The following ADCY9 variants were observed in gnomAD, a reference collection of about 807,000 sequenced individuals.
The protein encoded by ADCY9 is adenylate cyclase 9.
Under a neutral mutation model 101.5 loss-of-function variants are expected in ADCY9, and 50 were observed. That is an observed-to-expected ratio of 0.49 (90% CI 0.39 to 0.62). The LOEUF (loss-of-function observed/expected upper bound fraction) is 0.62. Among genes scored for constraint, ADCY9 ranks in the 20% least tolerant of loss-of-function variants. ADCY9 has a pLI of 0.00. For missense variants in ADCY9, 1,662 were observed against 1,800.4 expected (o/e 0.92, Z 1.39); for synonymous variants, 905 against 769.3 (o/e 1.18, Z -2.92).
intron 7 of ADCY9, chr16:3,982,261 T>A (rs2056150129): frequency 6.6e-6 from 1 of 152,502 alleles, no homozygotes; most frequent in Non-Finnish European, 1.5e-5. Flanking sequence ...GAAGCCAGCA[T>A]TCCGGCGCCT....
intron 5 of ADCY9, among the ~76,000 whole-genome samples, chr16:3,956,649 C>T (rs1000530921): frequency 1.5e-5 from 2 of 136,106 alleles, no homozygotes; most frequent in African/African-American, 5.0e-5. Flanking sequence ...TGCCACCACA[C>T]CTGGCTAATT....
At chr16:4,110,408 G>A (rs1378197523) in intron 2 of ADCY9, among the ~76,000 whole-genome samples, 2 of 114,074 alleles carry the variant, frequency 1.8e-5, no homozygotes, top group African/African-American at 3.4e-5. Flanking sequence ...TTTTTGAGAC[G>A]CAGTCTCGCC....
chr16:4,016,398 A>C (rs1238595162), intron 2 of ADCY9, among the ~76,000 whole-genome samples: 1 of 152,198 alleles, frequency 6.6e-6, no homozygotes, highest in African/African-American at 2.4e-5. Context: ...AAATGACAGC[A>C]CCAAATGCAC....
In ADCY9 at chr16:3,994,366, T is replaced by C. The variant is rs192091248; in HGVS notation, c.1885-856A>G. 1.7e-4 allele frequency among the ~76,000 whole-genome samples: 26 copies of C among 152,330 alleles called. No homozygotes were observed. The East Asian group carries it at 4.2e-3, about 25-fold the overall frequency. ...TCAACAGGGTTTCTCTTTGGGATGATAAAAATGTTCTGAAATTGATCACGG... is the reference window on the plus strand; with the variant it reads ...TCAACAGGGTTTCTCTTTGGGATGACAAAAATGTTCTGAAATTGATCACGG... On this transcript the variant is annotated intron_variant, in intron 3 of 10. Transcript: ENST00000294016.
intron 2 of ADCY9, among the ~76,000 whole-genome samples, chr16:4,082,100 G>A (rs1299380921): frequency 6.6e-6 from 1 of 152,100 alleles, no homozygotes; most frequent in African/African-American, 2.4e-5. Context: ...CATGAAGGTT[G>A]GGCAGTGGCT....
chr16:4,045,035 G>A (rs1038962364), intron 2 of ADCY9, among the ~76,000 whole-genome samples: 1 of 152,168 alleles, frequency 6.6e-6, no homozygotes, highest in Non-Finnish European at 1.5e-5. Flanking sequence ...GTATAAATTC[G>A]TATCATCTGA....
intron 2 of ADCY9, among the ~76,000 whole-genome samples, chr16:4,072,473 C>T (rs1366257458): frequency 6.6e-6 from 1 of 152,176 alleles, no homozygotes; most frequent in African/African-American, 2.4e-5. Context: ...CCCTTCCCTA[C>T]GGTATACAAG....
At chr16:4,023,094 G>T (rs908688513) in intron 2 of ADCY9, among the ~76,000 whole-genome samples, 3 of 152,236 alleles carry the variant, frequency 2.0e-5, no homozygotes, top group Non-Finnish European at 4.4e-5. Flanking sequence ...AGTACTGAAA[G>T]TGCTGTCATT....
rs890045896 is a variant in ADCY9, at chr16:4,023,991, G to A, written c.1694-16433C>T. On this transcript the variant is annotated intron_variant, in intron 2 of 10. Coordinates refer to ENST00000294016, the MANE Select transcript of ADCY9 (RefSeq NM_001116.4). ...TTTTAAGTAAGACAGCACACAGTTCGATTCTTTCTTATTTTGCATTTTAAT... is the reference window on the plus strand; with the variant it reads ...TTTTAAGTAAGACAGCACACAGTTCAATTCTTTCTTATTTTGCATTTTAAT... Among the ~76,000 whole-genome samples, 4 of 152,120 alleles carry A rather than the reference G, an allele frequency of 2.6e-5. No homozygotes were observed. In the East Asian group the frequency reaches 7.7e-4, roughly 29 times the overall value.
At chr16:4,009,567 C>T (rs1044666526) in intron 2 of ADCY9, among the ~76,000 whole-genome samples, 59 of 152,294 alleles carry the variant, frequency 3.9e-4, no homozygotes, top group African/African-American at 1.4e-3. Context: ...CAATGAAAAT[C>T]TTTCACTCTT....
chr16:4,109,143 T>C (rs932656369), intron 2 of ADCY9, among the ~76,000 whole-genome samples: 1 of 152,186 alleles, frequency 6.6e-6, no homozygotes, highest in East Asian at 1.9e-4. Context: ...CTGCTTTATG[T>C]TTGTTCACAA....
At chr16:4,098,885 C>A (rs2057025348) in intron 2 of ADCY9, among the ~76,000 whole-genome samples, 1 of 146,700 alleles carries the variant, frequency 6.8e-6, no homozygotes, top group Non-Finnish European at 1.5e-5. Flanking sequence ...AGGTCATCTA[C>A]ATTTTGGTTT....
chr16:4,115,135 G>A lies in ADCY9; in HGVS notation c.308C>T (p.Ala103Val). ...CTGCGGGAAGCAGCGCTCCAGGCAG[G>A]CCTCCTCCAGGTTCACCGAGTCGAA... ...PKFDSVNLEE[A>V]CLERCFPQTQ... Residue 103 changes from alanine (A) to valine (V), a missense_variant, in exon 2 of 11, where the codon GCC (alanine) becomes GTC (valine). Physicochemically the swap from Ala to Val is moderately conservative, Grantham distance 64. Coordinates refer to ENST00000294016, the MANE Select transcript of ADCY9 (RefSeq NM_001116.4). This position sits in a 1 kb window ranked among gnomAD's most constrained non-coding sequence, Gnocchi z 6.2. 1 of 1,613,810 alleles carries A rather than the reference G, an allele frequency of 6.2e-7. No homozygotes were observed. The highest frequency in any genetic ancestry group is 8.5e-7 in the Non-Finnish European group (1 of 1,180,022).
chr16:4,112,267 G>A (rs1446680947), intron 2 of ADCY9, among the ~76,000 whole-genome samples: 1 of 152,234 alleles, frequency 6.6e-6, no homozygotes, highest in Non-Finnish European at 1.5e-5. Context: ...AACAGAAAGT[G>A]TAGTTTCTGA....
At position 3,989,776 on chromosome 16, in the gene ADCY9, T is replaced by G. The variant is rs570502614; in HGVS notation, c.2208-680A>C. On this transcript the variant is annotated intron_variant, in intron 5 of 10. Coordinates refer to ENST00000294016, the MANE Select transcript of ADCY9 (RefSeq NM_001116.4). Reference sequence around the variant, plus strand: ...TTTGTGAAGAACACGCAGATCACTGTGCTGAGAGTACTTACATGGATTTGG... The same window carrying G: ...TTTGTGAAGAACACGCAGATCACTGGGCTGAGAGTACTTACATGGATTTGG... 1.5e-3 allele frequency among the ~76,000 whole-genome samples: 228 copies of G among 152,354 alleles called. 1 individual carries two copies. The highest frequency in any genetic ancestry group is 3.4e-3 in the Middle Eastern group (1 of 294).
At position 3,989,403 on chromosome 16, in the gene ADCY9, T is replaced by C. The variant is rs944667697; in HGVS notation, c.2208-307A>G. On this transcript the variant is annotated intron_variant, in intron 5 of 10. Transcript: ENST00000294016. The stretch of plus-strand genomic sequence containing the variant: ...GGGGTTTTTTTTTTTTGAGGCAAGG[T>C]CTCACTCTGTCGCCCAGGCTGGAGT... 1.1e-4 allele frequency among the ~76,000 whole-genome samples: 17 copies of C among 151,816 alleles called. No individual in the cohort carries two copies. The East Asian group carries it at 3.1e-3, about 28-fold the overall frequency.
chr16:4,020,893 GAA>G (rs2056471970), intron 2 of ADCY9, among the ~76,000 whole-genome samples: 1 of 151,266 alleles, frequency 6.6e-6, no homozygotes, highest in Non-Finnish European at 1.5e-5. Context: ...TAATGTTTTA[GAA>G]TAAAGAAACA....
Position 3,965,905 on chromosome 16 carries a change from G to T in ADCY9, c.3932C>A (p.Pro1311Gln), listed in dbSNP as rs144464713. 3 of 1,613,990 alleles carry T rather than the reference G, an allele frequency of 1.9e-6. No individual in the cohort carries two copies. Among genetic ancestry groups the T allele is most frequent in the Non-Finnish European group, 1.7e-6 (2 of 1,180,034 alleles). The change falls in exon 11 of 11, where the codon CCG becomes CAG. Residue 1311 changes from proline to glutamine, a missense_variant. By Grantham distance (76) the Pro-to-Gln change is moderately conservative. Around this residue, in one of 5 missense-constraint regions of ADCY9, gnomAD observed 168 missense variants for 155.3 expected, o/e 1.08. Transcript: ENST00000294016. ...AKDAHLSPKR[P>Q]WKEPVKAEER... ...TTCGGCTTTGACGGGCTCCTTCCAC[G>T]GTCTCTTGGGGGACAGGTGGGCATC...
chr16:3,990,559 G>A (rs892516441), intron 5 of ADCY9, among the ~76,000 whole-genome samples: 1 of 151,738 alleles, frequency 6.6e-6, no homozygotes, highest in Non-Finnish European at 1.5e-5. Flanking sequence ...GTTCCTTCCT[G>A]TCCTTGCAGC....
Sources: allele counts gnomAD v4.1 joint callset (sites outside exome capture counted in the v4.1 genomes callset), GRCh38; gene constraint gnomAD v4.1.1; regional missense constraint gnomAD v4.1.1; non-coding constraint Gnocchi (gnomAD v3.1); transcripts MANE v1.5; gene names NCBI Gene and HGNC (gene_info 2026-07-23, HGNC 2026-07-21).